Variants in SART1 observed in about 807,000 individuals in gnomAD.
The protein encoded by SART1 is spliceosome associated factor 1, recruiter of U4/U6.U5 tri-snRNP.
SART1 carries 28 observed loss-of-function variants against 105.0 expected under a neutral mutation model. The observed-to-expected ratio is 0.27, with a 90% confidence interval of 0.20 to 0.37. SART1 has a LOEUF of 0.37. SART1 is among the 10% of genes least tolerant of loss of function. The probability of loss-of-function intolerance (pLI) is 1.00; values close to 1 mark genes in which losing one functional copy is unlikely to be tolerated. For synonymous variants in SART1, 472 were observed against 462.9 expected (o/e 1.02, Z -0.25); for missense variants, 894 against 1,106.5 (o/e 0.81, Z 2.72).
rs1855248359 is a variant in SART1 at position 65,966,066 on chromosome 11, C to A, written c.839-10C>A. The A allele has an allele frequency of 6.2e-7, 1 of 1,613,714 alleles. No individual in the cohort carries two copies. The highest frequency in any genetic ancestry group is 1.3e-5 in the African/African-American group (1 of 74,936). On this transcript the variant is annotated splice_polypyrimidine_tract_variant and intron_variant, in intron 7 of 19. Coordinates refer to ENST00000312397, the MANE Select transcript of SART1 (RefSeq NM_005146.5). ...AAGTGTGAATGGCCACTGCTCTGTG[C>A]TGCCCCCAGGCGTGCTGCAGGAGGA...
rs1428025835 is a variant in SART1 at position 65,966,479 on chromosome 11, A to C, written c.1111A>C (p.Lys371Gln). ...RERELEEIRA[K>Q]LRLQAQSLST... ...GCGGGAGCTGGAGGAGATCCGGGCC[A>C]AGCTGCGGCTGCAGGCTCAGTCCCT... The change falls in exon 9 of 20, where the codon AAG becomes CAG. Residue 371 changes from lysine to glutamine, a missense_variant. Physicochemically the swap from Lys to Gln is moderately conservative, Grantham distance 53. Coordinates refer to ENST00000312397, the MANE Select transcript of SART1 (RefSeq NM_005146.5). 8 of 1,609,522 alleles carry C rather than the reference A, an allele frequency of 5.0e-6. No individual in the cohort carries two copies. In the African/African-American group the frequency reaches 1.1e-4, roughly 21 times the overall value.
rs1855232354 is a variant in SART1 at position 65,965,524 on chromosome 11, A to G, written c.660+77A>G. The stretch of plus-strand genomic sequence containing the variant: ...CGGCACTGAGGCGGGGGCCAACCCC[A>G]GAGAGGTGAGACGGGGCTTGGAGAA... On this transcript the variant is annotated intron_variant, in intron 5 of 19. Transcript: ENST00000312397. The G allele has an allele frequency of 1.1e-4, 162 of 1,438,980 alleles. 3 individuals carry two copies. The South Asian group carries it at 1.7e-3, about 15-fold the overall frequency. The allele number at this position is 1,438,980 out of a possible 1,614,324, so 89.1% of individuals were successfully genotyped here. A position where few individuals can be genotyped will look rare whatever the true frequency, so the allele number is the denominator to read the frequency against.
intron 5 of SART1, 63 bp downstream of exon 5, chr11:65,965,510 C>CG (rs1300705185): frequency 3.8e-5 from 56 of 1,482,764 alleles, no homozygotes; most frequent in Non-Finnish European, 5.0e-5. Context: ...GGCACTGAGG[C>CG]GGGGGCCAAC....
chr11:65,972,986 C>T (rs1332705009), intron 12 of SART1, among the ~76,000 whole-genome samples: 2 of 152,082 alleles, frequency 1.3e-5, no homozygotes, highest in Non-Finnish European at 2.9e-5. Flanking sequence ...CTGGTCAACA[C>T]AGTGAAACCC....
Position 65,961,742 on chromosome 11 carries a change from G to A in SART1, c.-39G>A, listed in dbSNP as rs761488186. 6.8e-7 allele frequency: 1 copy of A among 1,465,506 alleles called. No individual in the cohort carries two copies. The highest frequency in any genetic ancestry group is 9.0e-7 in the Non-Finnish European group (1 of 1,114,104). 90.8% of individuals were successfully genotyped at this position (1,465,506 alleles called of 1,614,324 possible). ...GAAGTATTCCCATTTTGCGTTGTCT[G>A]GGCTCGGCGGCAGCCGGGCTCGGAG... is the stretch of plus-strand genomic sequence containing the variant. On this transcript the variant is annotated 5_prime_UTR_variant, in exon 1 of 20. Transcript: ENST00000312397.
intron 12 of SART1, among the ~76,000 whole-genome samples, chr11:65,968,403 T>C (rs7940585): frequency 0.99 from 150,404 of 152,272 alleles, 74,308 homozygotes; most frequent in Middle Eastern, 1. Context: ...GTGAACAGGA[T>C]AGCCATGGGG....
rs622779 is a variant in SART1, at chr11:65,976,776, G to C, written c.1857+10G>C. The C allele has an allele frequency of 1.3e-6, 2 of 1,593,698 alleles. No homozygotes were observed. Among genetic ancestry groups the C allele is most frequent in the African/African-American group, 1.3e-5 (1 of 74,480 alleles). On this transcript the variant is annotated intron_variant, in intron 14 of 19. Transcript: ENST00000312397. This position sits in a 1 kb window ranked among gnomAD's most constrained non-coding sequence, Gnocchi z 5.1. ...GAAGCAGCAGCAGGATGTGAGGGCC[G>C]CGCCGCTGGGGGGTGGGCGTTTGGG...
At position 65,976,859 on chromosome 11, in the gene SART1, C is replaced by T. The variant is rs561718114; in HGVS notation, c.1857+93C>T. On this transcript the variant is annotated intron_variant, in intron 14 of 19. Coordinates refer to ENST00000312397, the MANE Select transcript of SART1 (RefSeq NM_005146.5). The surrounding 1 kb of genome is among the most constrained non-coding windows in gnomAD (Gnocchi z 5.1). ...GTGTCCAGAGCCTCAGCCTCCTCAT[C>T]CAGAGTGGGCTCTGCAGACCTCCCA... The T allele has an allele frequency of 7.5e-6, 9 of 1,203,750 alleles. No homozygotes were observed. The Admixed American group carries it at 8.2e-5, about 11-fold the overall frequency. 74.6% of individuals were successfully genotyped at this position (1,203,750 alleles called of 1,614,324 possible). A position where few individuals can be genotyped will look rare whatever the true frequency, so the allele number is the denominator to read the frequency against.
At chr11:65,973,130 C>T (rs1222571741) in intron 12 of SART1, among the ~76,000 whole-genome samples, 1 of 151,802 alleles carries the variant, frequency 6.6e-6, no homozygotes, top group Non-Finnish European at 1.5e-5. Flanking sequence ...GCCGAGATCG[C>T]ACCACTGCAC....
intron 12 of SART1, among the ~76,000 whole-genome samples, chr11:65,974,382 A>C (rs1273359955): frequency 6.7e-6 from 1 of 148,172 alleles, no homozygotes; most frequent in African/African-American, 2.5e-5. Context: ...AAAAAAAAAA[A>C]AAAAAAAAAC....
At position 65,978,539 on chromosome 11, in the gene SART1, G is replaced by A. The variant is rs904826374; in HGVS notation, c.2173-61G>A. 3 of 1,488,340 alleles carry A rather than the reference G, an allele frequency of 2.0e-6. No homozygotes were observed. The highest frequency in any genetic ancestry group is 2.8e-5 in the African/African-American group (2 of 71,748). The allele number at this position is 1,488,340 out of a possible 1,614,324, so 92.2% of individuals were successfully genotyped here. A position where few individuals can be genotyped will look rare whatever the true frequency, so the allele number is the denominator to read the frequency against. On this transcript the variant is annotated intron_variant, in intron 17 of 19. Transcript: ENST00000312397. This position sits in a 1 kb window ranked among gnomAD's most constrained non-coding sequence, Gnocchi z 6.8. ...CGCCCTGTTATTATACACCTTGTGG[G>A]CACAGGTGGCTCCGGCCCCACCCAG...
intron 1 of SART1, among the ~76,000 whole-genome samples, chr11:65,963,811 A>G (rs1209662429): frequency 1.3e-5 from 2 of 152,202 alleles, no homozygotes; most frequent in African/African-American, 4.8e-5. Context: ...GAAAGAAAAA[A>G]GTAGAGGGCA....
chr11:65,966,615 G>T (rs1855265635), intron 9 of SART1, 59 bp downstream of exon 9: 2 of 1,425,350 alleles, frequency 1.4e-6, no homozygotes, highest in South Asian at 1.5e-5. Context: ...TGGGGCTCCT[G>T]CCCTGCCCGC....
intron 12 of SART1, among the ~76,000 whole-genome samples, chr11:65,972,631 G>T (rs569012988): frequency 2.7e-4 from 41 of 152,054 alleles, no homozygotes; most frequent in Non-Finnish European, 4.1e-4. Context: ...GCTGGGCATG[G>T]TAGCATGTGT....
chr11:65,964,428 AC>A, intron 2 of SART1, 86 bp from the exon 3 acceptor site: 1 of 1,499,908 alleles, frequency 6.7e-7, no homozygotes. Flanking sequence ...ACTCACTCCC[AC>A]CCTGTTTCTC....
At position 65,966,497 on chromosome 11, in the gene SART1, C is replaced by G; in HGVS notation, c.1129C>G (p.Gln377Glu). 6.2e-7 allele frequency: 1 copy of G among 1,603,006 alleles called. No individual in the cohort carries two copies. The highest frequency in any genetic ancestry group is 8.5e-7 in the Non-Finnish European group (1 of 1,174,376). ...EIRAKLRLQAQSLSTVGPRLA... is the reference protein window; with the variant it reads ...EIRAKLRLQAESLSTVGPRLA... ...CCGGGCCAAGCTGCGGCTGCAGGCT[C>G]AGTCCCTGAGCACAGTGGGGCCCCG... Residue 377 changes from glutamine (Q) to glutamate (E), a missense_variant, in exon 9 of 20, where the codon CAG becomes GAG. Transcript: ENST00000312397.
intron 12 of SART1, among the ~76,000 whole-genome samples, chr11:65,975,776 A>C (rs1855468619): frequency 6.6e-6 from 1 of 152,018 alleles, no homozygotes; most frequent in African/African-American, 2.4e-5. Context: ...TGCAGGGTTG[A>C]GGGAGAAGTT....
chr11:65,966,088 A>T lies in SART1; in HGVS notation c.851A>T (p.Glu284Val). 1 of 1,613,928 alleles carries T rather than the reference A, an allele frequency of 6.2e-7. No homozygotes were observed. The highest frequency in any genetic ancestry group is 8.5e-7 in the Non-Finnish European group (1 of 1,179,970). The change falls in exon 8 of 20, where the codon GAG (glutamate) becomes GTG (valine). Residue 284 changes from glutamate (E) to valine (V), a missense_variant. Coordinates refer to ENST00000312397, the MANE Select transcript of SART1 (RefSeq NM_005146.5). ...GTGCTGCCCCCAGGCGTGCTGCAGGAGGAGGAGGACGTGCTGGTGAACGTG... is the reference window on the plus strand; with the variant it reads ...GTGCTGCCCCCAGGCGTGCTGCAGGTGGAGGAGGACGTGCTGGTGAACGTG... ...LTLKDKGVLQEEEDVLVNVNL... is the reference protein window; with the variant it reads ...LTLKDKGVLQVEEDVLVNVNL...
chr11:65,964,297 A>G, intron 2 of SART1, 166 bp downstream of exon 2: 2 of 841,410 alleles, frequency 2.4e-6, no homozygotes, highest in Non-Finnish European at 3.9e-6. Context: ...CTAAAACCTA[A>G]GAGTAAAGTG....
Sources: allele counts gnomAD v4.1 joint callset (sites outside exome capture counted in the v4.1 genomes callset), GRCh38; gene constraint gnomAD v4.1.1; non-coding constraint Gnocchi (gnomAD v3.1); transcripts MANE v1.5; gene names NCBI Gene and HGNC (gene_info 2026-07-23, HGNC 2026-07-21).